The following ZC4H2 variants were observed in gnomAD, a reference collection of about 807,000 sequenced individuals.
ZC4H2 encodes zinc finger C4H2 domain-containing protein.
For missense variants in ZC4H2, 137 were observed against 173.9 expected (o/e 0.79, Z 1.19); for synonymous variants, 84 against 66.3 (o/e 1.27, Z -1.30).
chrX:64,958,951 T>C (rs1602419788), intron 1 of ZC4H2, among the ~76,000 whole-genome samples: 1 of 111,458 alleles, frequency 9.0e-6, no homozygotes, highest in Admixed American at 9.6e-5. Context: ...CCTCTTTCTA[T>C]AGCAATAGAC....
intron 1 of ZC4H2, among the ~76,000 whole-genome samples, chrX:64,948,824 T>C (rs570428928): frequency 8.9e-6 from 1 of 112,098 alleles, no homozygotes; most frequent in South Asian, 3.6e-4. Flanking sequence ...GGAATGTAAA[T>C]GTTTGCCTAG....
chrX:65,002,377 C>A (rs1211464442), intron 1 of ZC4H2, among the ~76,000 whole-genome samples: 1 of 108,607 alleles, frequency 9.2e-6, no homozygotes, highest in African/African-American at 3.3e-5. Context: ...CCCGGCCAGC[C>A]GCCCCGTCCG....
At position 65,024,515 on chromosome X, in the gene ZC4H2, A is replaced by T. The variant is rs982859932; in HGVS notation, c.-272+10114T>A. 2.7e-5 allele frequency among the ~76,000 whole-genome samples: 3 copies of T among 111,928 alleles called. No homozygotes were observed. In the Admixed American group the frequency reaches 2.8e-4, roughly 11 times the overall value. On this transcript the variant is annotated intron_variant, in intron 1 of 4. Transcript: ENST00000337990. The stretch of plus-strand genomic sequence containing the variant: ...GGCAGAGCTACCATTTGACACAGCA[A>T]TCACATTCCTGGGTATATACCTAAA...
chrX:64,986,921 C>CTTTTT (rs1028871395), intron 1 of ZC4H2, among the ~76,000 whole-genome samples: 40 of 79,549 alleles, frequency 5.0e-4, no homozygotes, highest in African/African-American at 1.7e-3. Context: ...CAAGATAATT[C>CTTTTT]TTTTTTTTTT....
chrX:64,989,552 T>C (rs186907433), intron 1 of ZC4H2, among the ~76,000 whole-genome samples: 1 of 112,029 alleles, frequency 8.9e-6, no homozygotes, highest in African/African-American at 3.2e-5. Flanking sequence ...ATGGACTTTA[T>C]CAAAATTGAA....
At chrX:64,992,708 T>C (rs1315391313) in intron 1 of ZC4H2, among the ~76,000 whole-genome samples, 1 of 111,573 alleles carries the variant, frequency 9.0e-6, no homozygotes, top group Non-Finnish European at 1.9e-5. Context: ...TTTACTGTGG[T>C]TGATACCGCC....
intron 1 of ZC4H2, chrX:64,922,245 T>TAA (rs1929231513): frequency 1.7e-5 from 3 of 173,521 alleles, no homozygotes; most frequent in Non-Finnish European, 2.5e-5. Flanking sequence ...ACCTTATATC[T>TAA]ACAAAAAAAA....
chrX:64,963,602 G>C (rs1002728520), intron 1 of ZC4H2, among the ~76,000 whole-genome samples: 1 of 111,391 alleles, frequency 9.0e-6, no homozygotes, highest in Admixed American at 9.5e-5. Context: ...CTATTAACCC[G>C]ATTGAACACT....
chrX:64,954,318 T>TTATATATATATATATATATAATTA (rs1170765610), intron 1 of ZC4H2, among the ~76,000 whole-genome samples: 7 of 62,574 alleles, frequency 1.1e-4, no homozygotes, highest in Admixed American at 1.7e-4. Flanking sequence ...TAAAGTATAA[T>TTATATATATATATATATATAATTA]TATATATATA....
chrX:64,952,407 A>T (rs1367642844), intron 1 of ZC4H2, among the ~76,000 whole-genome samples: 1 of 109,857 alleles, frequency 9.1e-6, no homozygotes, highest in Non-Finnish European at 1.9e-5. Context: ...GGCCATTTTC[A>T]CAATATTGAC....
chrX:64,977,731 G>A (rs1931991434), upstream of ZC4H2, among the ~76,000 whole-genome samples: 1 of 111,282 alleles, frequency 9.0e-6, no homozygotes, highest in Admixed American at 9.5e-5. Flanking sequence ...GAACTCCTGA[G>A]CTCAAGCAAT....
intron 1 of ZC4H2, among the ~76,000 whole-genome samples, chrX:65,027,650 C>T (rs182769115): frequency 9.0e-5 from 10 of 110,999 alleles, no homozygotes; most frequent in Non-Finnish European, 1.9e-4. Context: ...GACAATAGGA[C>T]CGTTGGGGGC....
intron 1 of ZC4H2, among the ~76,000 whole-genome samples, chrX:64,928,857 C>CTCCT (rs1929597722): frequency 2.0e-5 from 2 of 100,704 alleles, no homozygotes; most frequent in Admixed American, 1.1e-4. Flanking sequence ...CCTCCTCCTT[C>CTCCT]TCCTTCTTCT....
At chrX:64,949,511 C>T (rs1346244378) in intron 1 of ZC4H2, among the ~76,000 whole-genome samples, 1 of 111,618 alleles carries the variant, frequency 9.0e-6, no homozygotes, top group Non-Finnish European at 1.9e-5. Context: ...ACTTGGAATG[C>T]TCCAGAGGGA....
intron 1 of ZC4H2, among the ~76,000 whole-genome samples, chrX:65,034,040 G>T (rs1244358242): frequency 9.6e-6 from 1 of 103,741 alleles, no homozygotes; most frequent in Non-Finnish European, 1.9e-5. Flanking sequence ...AGTTAGCTGA[G>T]ATGGCGCCAC....
chrX:64,953,844 C>T (rs760659187), intron 1 of ZC4H2, among the ~76,000 whole-genome samples: 47 of 110,835 alleles, frequency 4.2e-4, no homozygotes, highest in Non-Finnish European at 2.6e-4. Context: ...CTATAAATCA[C>T]GCTGCTATAA....
chrX:64,996,312 G>A (rs752752845), intron 1 of ZC4H2, among the ~76,000 whole-genome samples: 70 of 110,293 alleles, frequency 6.3e-4, no homozygotes, highest in African/African-American at 1.8e-3. Flanking sequence ...TGCAAAAATA[G>A]GAAAAGTAAT....
At chrX:64,990,011 C>T (rs752508862) in intron 1 of ZC4H2, among the ~76,000 whole-genome samples, 1 of 111,802 alleles carries the variant, frequency 8.9e-6, no homozygotes, top group African/African-American at 3.2e-5. Context: ...TACCACATGA[C>T]CTAGTAATTG....
chrX:64,919,138 C>T lies in ZC4H2; in HGVS notation c.465G>A (p.Leu155=), dbSNP rs1394962474. ...GTTGGGCGGCAGCGGCTGCAGCGGC[C>T]AGGGACTCAGGGATGGGGGGCTCCT... ...EPQEPPIPES[L]AAAAAAAQQL... Residue 155 remains leucine, a synonymous_variant, in exon 4 of 5, where the codon CTG becomes CTA. Coordinates refer to ENST00000374839, the MANE Select transcript of ZC4H2 (RefSeq NM_018684.4). 1 of 1,208,934 alleles carries T rather than the reference C, an allele frequency of 8.3e-7. No individual in the cohort carries two copies. The highest frequency in any genetic ancestry group is 1.7e-5 in the African/African-American group (1 of 57,737).
Sources: allele counts gnomAD v4.1 joint callset (sites outside exome capture counted in the v4.1 genomes callset), GRCh38; gene constraint gnomAD v4.1.1; transcripts MANE v1.5; gene names NCBI Gene and HGNC (gene_info 2026-07-23, HGNC 2026-07-21).